The following CHCHD3 variants were observed in gnomAD, a reference collection of about 807,000 sequenced individuals.
CHCHD3 encodes the protein MICOS complex subunit MIC19.
CHCHD3 carries 20 observed loss-of-function variants against 38.2 expected under a neutral mutation model. The observed-to-expected ratio is 0.52, with a 90% confidence interval of 0.37 to 0.76. CHCHD3 has a LOEUF of 0.76. CHCHD3 is among the 30% of genes least tolerant of loss of function. The pLI is 0.00. For missense variants in CHCHD3, 245 were observed against 279.2 expected, an observed-to-expected ratio of 0.88 and a Z score of 0.87; for synonymous variants, 82 against 100.0, an observed-to-expected ratio of 0.82 and a Z score of 1.07.
intron 6 of CHCHD3, among the ~76,000 whole-genome samples, chr7:132,836,412 G>A (rs529233019): frequency 9.9e-4 from 149 of 149,978 alleles, no homozygotes; most frequent in Middle Eastern, 7.5e-3. Flanking sequence ...GAGCCATCAC[G>A]CCTGGCGCCA....
At chr7:133,057,897 C>T (rs1814389882) in intron 2 of CHCHD3, among the ~76,000 whole-genome samples, 1 of 151,888 alleles carries the variant, frequency 6.6e-6, no homozygotes, top group Non-Finnish European at 1.5e-5. Context: ...ATCATGAAAA[C>T]AGGATTATAA....
At chr7:132,854,554 C>T (rs538043551) in intron 5 of CHCHD3, among the ~76,000 whole-genome samples, 15 of 152,130 alleles carry the variant, frequency 9.9e-5, no homozygotes, top group Non-Finnish European at 2.1e-4. Flanking sequence ...AAGGTCAATA[C>T]AGATGAGAGA....
intron 2 of CHCHD3, among the ~76,000 whole-genome samples, chr7:133,055,848 A>G (rs1040985125): frequency 1.3e-5 from 2 of 152,024 alleles, no homozygotes; most frequent in African/African-American, 4.8e-5. Flanking sequence ...AATAGTATAA[A>G]GATGTAAGGA....
At chr7:133,079,065 A>G (rs1282217550) in intron 1 of CHCHD3, among the ~76,000 whole-genome samples, 1 of 152,190 alleles carries the variant, frequency 6.6e-6, no homozygotes, top group Non-Finnish European at 1.5e-5. Context: ...AACCATCTAC[A>G]ACAGACCTAG....
intron 3 of CHCHD3, among the ~76,000 whole-genome samples, chr7:132,983,112 A>C (rs1238347317): frequency 6.6e-6 from 1 of 152,038 alleles, no homozygotes; most frequent in Non-Finnish European, 1.5e-5. Context: ...ACCTGAGGTC[A>C]GGAGTTCGAG....
chr7:133,036,824 A>G (rs1400587375), intron 2 of CHCHD3, among the ~76,000 whole-genome samples: 1 of 152,232 alleles, frequency 6.6e-6, no homozygotes, highest in African/African-American at 2.4e-5. Flanking sequence ...CTGATGCTGT[A>G]TAACATTTCA....
chr7:132,901,867 G>A (rs1809678300), intron 4 of CHCHD3, among the ~76,000 whole-genome samples: 1 of 152,132 alleles, frequency 6.6e-6, no homozygotes, highest in Non-Finnish European at 1.5e-5. Flanking sequence ...TGCTTTTGGT[G>A]TTTTAGTCAT....
chr7:132,984,265 G>A (rs1337054658), intron 3 of CHCHD3, among the ~76,000 whole-genome samples: 2 of 151,668 alleles, frequency 1.3e-5, no homozygotes, highest in Non-Finnish European at 1.5e-5. Context: ...GGGTTTCGCT[G>A]TGTTGGCCGG....
At chr7:133,000,262 G>C (rs112632641) in intron 3 of CHCHD3, among the ~76,000 whole-genome samples, 12 of 152,106 alleles carry the variant, frequency 7.9e-5, no homozygotes, top group African/African-American at 2.2e-4. Flanking sequence ...CATTCGTGCT[G>C]AGCACCAGTC....
At chr7:132,815,977 A>T (rs1430496617) in intron 6 of CHCHD3, among the ~76,000 whole-genome samples, 1 of 152,178 alleles carries the variant, frequency 6.6e-6, no homozygotes, top group East Asian at 1.9e-4. Flanking sequence ...AGCCACCACG[A>T]TCAATTGGAG....
chr7:132,976,584 C>T (rs1276430485), intron 3 of CHCHD3, among the ~76,000 whole-genome samples: 1 of 152,102 alleles, frequency 6.6e-6, no homozygotes, highest in East Asian at 1.9e-4. Flanking sequence ...GAGAGAATAA[C>T]CCTACTATAC....
At chr7:132,938,711 C>T (rs1810689996) in intron 4 of CHCHD3, among the ~76,000 whole-genome samples, 1 of 152,186 alleles carries the variant, frequency 6.6e-6, no homozygotes, top group Non-Finnish European at 1.5e-5. Context: ...TGGGCTCACA[C>T]TTTAAACCTG....
At chr7:132,851,373 T>C (rs1179551876) in intron 5 of CHCHD3, among the ~76,000 whole-genome samples, 1 of 152,212 alleles carries the variant, frequency 6.6e-6, no homozygotes, top group South Asian at 2.1e-4. Flanking sequence ...CATGCTTAGA[T>C]TGGGACTTCT....
At chr7:132,986,371 G>T (rs1162189114) in intron 3 of CHCHD3, among the ~76,000 whole-genome samples, 2 of 140,976 alleles carry the variant, frequency 1.4e-5, no homozygotes, top group African/African-American at 5.4e-5. Context: ...ATCCCCCTCT[G>T]CGAGAAACAC....
intron 4 of CHCHD3, among the ~76,000 whole-genome samples, chr7:132,895,484 G>T (rs1343185204): frequency 2.0e-5 from 3 of 152,228 alleles, no homozygotes; most frequent in Non-Finnish European, 4.4e-5. Context: ...GAAAACCACA[G>T]GTTTAAGAGG....
intron 4 of CHCHD3, among the ~76,000 whole-genome samples, chr7:132,927,924 T>C (rs1478467018): frequency 6.6e-6 from 1 of 152,086 alleles, no homozygotes; most frequent in Non-Finnish European, 1.5e-5. Flanking sequence ...TCTCCTAACA[T>C]ATTCATTTAT....
chr7:133,009,399 T>C, intron 3 of CHCHD3, among the ~76,000 whole-genome samples: 1 of 141,560 alleles, frequency 7.1e-6, no homozygotes, highest in African/African-American at 2.7e-5. Context: ...AGGAACACAC[T>C]GAAACTCAGA....
chr7:132,851,516 C>T (rs1808219322), intron 5 of CHCHD3, among the ~76,000 whole-genome samples: 1 of 152,200 alleles, frequency 6.6e-6, no homozygotes, highest in Admixed American at 6.5e-5. Context: ...TCCACACTCA[C>T]CTTTTGGACT....
chr7:132,787,518 G>C (rs1410828096), intron 7 of CHCHD3, among the ~76,000 whole-genome samples: 1 of 152,018 alleles, frequency 6.6e-6, no homozygotes, highest in Non-Finnish European at 1.5e-5. Flanking sequence ...CTGGGAAGGA[G>C]GAGGATGACT....
Sources: allele counts gnomAD v4.1 joint callset (sites outside exome capture counted in the v4.1 genomes callset), GRCh38; gene constraint gnomAD v4.1.1; transcripts MANE v1.5; gene names NCBI Gene and HGNC (gene_info 2026-07-23, HGNC 2026-07-21).